Variants in ATP11A observed in about 807,000 individuals in gnomAD.
ATP11A encodes the protein phospholipid-transporting ATPase IH.
Under a neutral mutation model 154.4 loss-of-function variants are expected in ATP11A, and 81 were observed. The observed-to-expected ratio is 0.52, with a 90% CI of 0.44 to 0.63. The LOEUF (loss-of-function observed/expected upper bound fraction) is 0.63. Among genes scored for constraint, ATP11A ranks in the 30% least tolerant of loss-of-function variants. ATP11A has a pLI of 0.00. For missense variants in ATP11A, 1,316 were observed against 1,474.3 expected (o/e 0.89, Z 1.76); for synonymous variants, 623 against 585.9 (o/e 1.06, Z -0.91).
rs1289215701 is a variant in ATP11A, at chr13:112,883,010, GTCCCATCCCCACGTCCCCTCA to G, written c.*1149_*1169del. ...GGGCTCTGCGTCCCCACGTCCCCTC[GTCCCATCCCCACGTCCCCTCA>G]TCCCGTCACCTCGTCCCCACATCCC... On this transcript the variant is annotated 3_prime_UTR_variant, in exon 30 of 30. Coordinates refer to ENST00000375645, the MANE Select transcript of ATP11A (RefSeq NM_015205.3). 81 of 398,446 alleles carry G rather than the reference GTCCCATCCCCACGTCCCCTCA, an allele frequency of 2.0e-4. No homozygotes were observed. In the East Asian group the frequency reaches 2.9e-3, roughly 14 times the overall value. The allele number at this position is 398,446 out of a possible 1,614,324, so 24.7% of individuals were successfully genotyped here. A position where few individuals can be genotyped will look rare whatever the true frequency, so the allele number is the denominator to read the frequency against.
intron 1 of ATP11A, among the ~76,000 whole-genome samples, chr13:112,714,710 C>T (rs956233868): frequency 2.6e-5 from 4 of 152,172 alleles, no homozygotes; most frequent in African/African-American, 4.8e-5. Context: ...CTGAGAGCAC[C>T]GAGAGCCCCT....
intron 17 of ATP11A, among the ~76,000 whole-genome samples, chr13:112,843,636 C>T (rs974880323): frequency 9.9e-5 from 15 of 152,148 alleles, no homozygotes; most frequent in African/African-American, 1.4e-4. Context: ...TGGTACTCAG[C>T]GCTCCCTTCA....
intron 25 of ATP11A, among the ~76,000 whole-genome samples, chr13:112,870,829 CG>C (rs749956305): frequency 1.9e-3 from 283 of 152,316 alleles, no homozygotes; most frequent in Middle Eastern, 3.4e-3. Flanking sequence ...TTCCCCAAGG[CG>C]GGGGGTGGTC....
chr13:112,822,864 T>G (rs1416244080), intron 8 of ATP11A, among the ~76,000 whole-genome samples: 3 of 152,184 alleles, frequency 2.0e-5, no homozygotes, highest in Admixed American at 6.5e-5. Flanking sequence ...GTTCTCAACC[T>G]GAGGCTTGTT....
chr13:112,844,146 G>A (rs371111012), intron 17 of ATP11A, among the ~76,000 whole-genome samples: 5 of 152,136 alleles, frequency 3.3e-5, no homozygotes, highest in East Asian at 1.9e-4. Flanking sequence ...CGTGGTCGCC[G>A]TGCCATGCTG....
intron 1 of ATP11A, among the ~76,000 whole-genome samples, chr13:112,752,376 G>A (rs1362737427): frequency 1.3e-5 from 2 of 152,192 alleles, no homozygotes; most frequent in African/African-American, 2.4e-5. Flanking sequence ...GACATGCAGC[G>A]CCATTCCCAA....
intron 1 of ATP11A, among the ~76,000 whole-genome samples, chr13:112,783,736 C>A (rs1000824335): frequency 5.9e-5 from 9 of 152,370 alleles, no homozygotes; most frequent in African/African-American, 1.9e-4. Flanking sequence ...AGGGCCATGG[C>A]CAGGGCTGCG....
In ATP11A at chr13:112,882,872, T is replaced by C; in HGVS notation, c.*1006T>C. On this transcript the variant is annotated 3_prime_UTR_variant, in exon 30 of 30. Coordinates refer to ENST00000375645, the MANE Select transcript of ATP11A (RefSeq NM_015205.3). This position sits in a 1 kb window ranked among gnomAD's most constrained non-coding sequence, Gnocchi z 5.1. ...TGGAGGGGTCAACACCAAGGTGGTGTTCGTGCACCAGAACCTGTCTCGGGC... is the reference window on the plus strand; with the variant it reads ...TGGAGGGGTCAACACCAAGGTGGTGCTCGTGCACCAGAACCTGTCTCGGGC... 2.5e-6 allele frequency: 1 copy of C among 398,780 alleles called. No individual in the cohort carries two copies. Among genetic ancestry groups the C allele is most frequent in the Non-Finnish European group, 4.4e-6 (1 of 226,228 alleles). The allele number at this position is 398,780 out of a possible 1,614,324, so 24.7% of individuals were successfully genotyped here.
intron 1 of ATP11A, among the ~76,000 whole-genome samples, chr13:112,757,758 G>T (rs1172258148): frequency 6.6e-6 from 1 of 152,246 alleles, no homozygotes; most frequent in Middle Eastern, 3.2e-3. Flanking sequence ...AAAAAGAAAA[G>T]TCTTTAAAAA....
intron 1 of ATP11A, among the ~76,000 whole-genome samples, chr13:112,702,533 G>A (rs1476704243): frequency 6.6e-6 from 1 of 152,182 alleles, no homozygotes; most frequent in African/African-American, 2.4e-5. Flanking sequence ...TGCCAGGGTG[G>A]GTTCTTGTGT....
intron 1 of ATP11A, among the ~76,000 whole-genome samples, chr13:112,731,904 G>A (rs182088329): frequency 6.7e-6 from 1 of 148,764 alleles, no homozygotes; most frequent in African/African-American, 2.5e-5. Flanking sequence ...GCAGTGTGTG[G>A]GGTAAACCTA....
intron 27 of ATP11A, among the ~76,000 whole-genome samples, chr13:112,874,218 G>C (rs1243517408): frequency 6.6e-6 from 1 of 152,318 alleles, no homozygotes; most frequent in South Asian, 2.1e-4. Flanking sequence ...GAGAGCAGCA[G>C]GCACGCAGGC....
chr13:112,738,352 G>A (rs909990582), intron 1 of ATP11A, among the ~76,000 whole-genome samples: 1 of 150,288 alleles, frequency 6.7e-6, no homozygotes, highest in Admixed American at 6.6e-5. Context: ...CAACCTGGAC[G>A]ACAAGAGTGA....
chr13:112,694,708 T>C (rs1395760086), intron 1 of ATP11A, among the ~76,000 whole-genome samples: 2 of 152,186 alleles, frequency 1.3e-5, no homozygotes, highest in African/African-American at 4.8e-5. Flanking sequence ...TTTTGTTCTT[T>C]TGCCTGTCAG....
chr13:112,815,981 TC>T, intron 5 of ATP11A, 101 bp from the exon 6 acceptor site: 2 of 1,511,120 alleles, frequency 1.3e-6, no homozygotes. Context: ...CCCCGTGTCT[TC>T]CTGTGAATAG....
chr13:112,873,582 G>C lies in ATP11A; in HGVS notation c.3067G>C (p.Asp1023His). The part of the protein sequence containing the change: ...VFTVTLKLAL[D>H]THYWTWINHF... ...TTTTTTTTCCTTTTAGCTTGCATTG[G>C]ACACACACTACTGGACTTGGATCAA... Residue 1023 changes from aspartate (D) to histidine (H), a missense_variant, in exon 27 of 30, where the codon GAC (aspartate) becomes CAC (histidine). Physicochemically the swap from Asp to His is moderately conservative, Grantham distance 81. Transcript: ENST00000375645. 1 of 1,603,948 alleles carries C rather than the reference G, an allele frequency of 6.2e-7. No homozygotes were observed. Among genetic ancestry groups the C allele is most frequent in the Non-Finnish European group, 8.5e-7 (1 of 1,177,192 alleles).
intron 5 of ATP11A, 55 bp from the exon 6 acceptor site, chr13:112,816,028 G>A: frequency 6.2e-7 from 1 of 1,609,290 alleles, no homozygotes; most frequent in Non-Finnish European, 8.5e-7. Flanking sequence ...CACAGGACGG[G>A]CAAGCTTTCA....
intron 5 of ATP11A, 73 bp downstream of exon 5, chr13:112,810,799 A>T: frequency 7.4e-7 from 1 of 1,344,344 alleles, no homozygotes; most frequent in Non-Finnish European, 1.1e-6. Flanking sequence ...ACCCAGGTGC[A>T]GTGGCTCGCG....
At position 112,810,017 on chromosome 13, in the gene ATP11A, C is replaced by T. The variant is rs139048244; in HGVS notation, c.334-602C>T. Among the ~76,000 whole-genome samples the T allele has an allele frequency of 3.9e-5, 6 of 152,282 alleles. No individual in the cohort carries two copies. In the East Asian group the frequency reaches 1.2e-3, roughly 29 times the overall value. On this transcript the variant is annotated intron_variant, in intron 4 of 29. Transcript: ENST00000375645. The stretch of plus-strand genomic sequence containing the variant: ...CACGGGAGTCACGATGGGATGTTTC[C>T]CGCGTGGGTTACTCAGATGCGGAAA...
Sources: allele counts gnomAD v4.1 joint callset (sites outside exome capture counted in the v4.1 genomes callset), GRCh38; gene constraint gnomAD v4.1.1; non-coding constraint Gnocchi (gnomAD v3.1); transcripts MANE v1.5; gene names NCBI Gene and HGNC (gene_info 2026-07-23, HGNC 2026-07-21).